The following TOP1MT variants were observed in gnomAD, a reference collection of about 807,000 sequenced individuals.
TOP1MT encodes the protein DNA topoisomerase I mitochondrial.
TOP1MT carries 80 observed loss-of-function variants against 73.9 expected under a neutral mutation model. The ratio of observed to expected loss-of-function variants is 1.08; its 90% CI spans 0.90 to 1.30. The LOEUF (loss-of-function observed/expected upper bound fraction) is 1.30. TOP1MT is among the 50% of genes most tolerant of loss of function. The pLI, the probability that TOP1MT is intolerant of heterozygous loss-of-function variation, is 0.00. For missense variants in TOP1MT, 815 were observed against 808.0 expected (o/e 1.01, Z -0.10); for synonymous variants, 338 against 326.4 (o/e 1.04, Z -0.38).
chr8:143,348,978 T>C (rs932131861), upstream of TOP1MT, among the ~76,000 whole-genome samples: 1 of 152,140 alleles, frequency 6.6e-6, no homozygotes, highest in Non-Finnish European at 1.5e-5. This position sits in a 1 kb window ranked among gnomAD's most constrained non-coding sequence, Gnocchi z 4.6. Context: ...GCATTGCTTA[T>C]TGCCTGCACA....
rs1178945126 is a variant in TOP1MT at position 143,329,243 on chromosome 8, G to A, written c.360+107C>T. 15 of 1,294,992 alleles carry A rather than the reference G, an allele frequency of 1.2e-5. No individual in the cohort carries two copies. The South Asian group carries it at 2.1e-4, about 18-fold the overall frequency. The allele number at this position is 1,294,992 out of a possible 1,614,324, so 80.2% of individuals were successfully genotyped here. On this transcript the variant is annotated intron_variant, in intron 3 of 13. Coordinates refer to ENST00000329245, the MANE Select transcript of TOP1MT (RefSeq NM_052963.3). ...GACGGCACCTGTGAGTGGTCACACA[G>A]GGGCCACCGAGAACTTGCGAGGGGC...
At chr8:143,322,883 CACGCACG>C (rs1816536351) in intron 7 of TOP1MT, among the ~76,000 whole-genome samples, 1 of 135,070 alleles carries the variant, frequency 7.4e-6, no homozygotes, top group African/African-American at 2.9e-5. Flanking sequence ...GCACGCAACA[CACGCACG>C]CCACACGCAC....
At chr8:143,320,758 C>T (rs1026535128) in intron 8 of TOP1MT, among the ~76,000 whole-genome samples, 3 of 152,176 alleles carry the variant, frequency 2.0e-5, no homozygotes, top group East Asian at 3.9e-4. Context: ...GCCAAGGACA[C>T]GCAGGATCCG....
At chr8:143,328,162 T>C (rs986875125) in intron 3 of TOP1MT, 1 of 432,664 alleles carries the variant, frequency 2.3e-6, no homozygotes, top group African/African-American at 2.1e-5. Flanking sequence ...TTTCTGATAA[T>C]GGACTTAAAA....
intron 2 of TOP1MT, among the ~76,000 whole-genome samples, chr8:143,342,344 TAGAG>T (rs1465115270): frequency 9.1e-5 from 13 of 143,534 alleles, no homozygotes; most frequent in South Asian, 6.5e-4. Flanking sequence ...TTATTATTAT[TAGAG>T]ACAGAGTCTC....
chr8:143,337,761 T>A (rs73717528), upstream of TOP1MT, among the ~76,000 whole-genome samples: 1,929 of 152,076 alleles, frequency 0.013, 45 homozygotes, highest in African/African-American at 0.043. Context: ...AAGTAGGAGT[T>A]AAAGAAAAGG....
chr8:143,319,059 C>T (rs552117718), intron 8 of TOP1MT, among the ~76,000 whole-genome samples: 9 of 152,324 alleles, frequency 5.9e-5, no homozygotes, highest in African/African-American at 1.9e-4. Context: ...TGCTTCACCA[C>T]GGCAGGGGCA....
At position 143,325,599 on chromosome 8, in the gene TOP1MT, T is replaced by C. The variant is rs1816686235; in HGVS notation, c.484-66A>G. ...GAAGAGAACAGGCCTCAGTCCGTTG[T>C]TGCTAACCCGGGACCACCCTGCTCT... On this transcript the variant is annotated intron_variant, in intron 4 of 13. Coordinates refer to ENST00000329245, the MANE Select transcript of TOP1MT (RefSeq NM_052963.3). 5 of 1,492,262 alleles carry C rather than the reference T, an allele frequency of 3.4e-6. No individual in the cohort carries two copies. The South Asian group carries it at 4.8e-5, about 14-fold the overall frequency. 92.4% of individuals were successfully genotyped at this position (1,492,262 alleles called of 1,614,324 possible).
chr8:143,318,911 A>G (rs1685828880), intron 8 of TOP1MT, among the ~76,000 whole-genome samples: 1 of 152,192 alleles, frequency 6.6e-6, no homozygotes, highest in Non-Finnish European at 1.5e-5. Flanking sequence ...GATCTTGACG[A>G]GGCTTTATGT....
upstream of TOP1MT, among the ~76,000 whole-genome samples, chr8:143,346,950 C>CTTAT (rs1554623153): frequency 2.0e-4 from 27 of 138,286 alleles, no homozygotes; most frequent in African/African-American, 6.4e-4. Flanking sequence ...AAAAGCCTCA[C>CTTAT]TTCTTTATTT....
intron 2 of TOP1MT, among the ~76,000 whole-genome samples, chr8:143,330,831 T>G (rs1401621553): frequency 1.3e-5 from 2 of 151,848 alleles, no homozygotes; most frequent in Admixed American, 6.6e-5. Context: ...CTCCGCTTCT[T>G]GCTGAGAATC....
At chr8:143,309,693 C>A (rs1815949306) in intron 13 of TOP1MT, 150 bp from the exon 14 acceptor site, 3 of 1,514,776 alleles carry the variant, frequency 2.0e-6, no homozygotes, top group Non-Finnish European at 2.6e-6. Flanking sequence ...AGGCCAACCC[C>A]ACCCCACGCA....
At chr8:143,322,263 ACACGCCACACACATG>A (rs1816452096) in intron 7 of TOP1MT, among the ~76,000 whole-genome samples, 2 of 11,652 alleles carry the variant, frequency 1.7e-4, no homozygotes, top group Non-Finnish European at 2.6e-4. Flanking sequence ...CGCCACACAC[ACACGCCACACACATG>A]CACGCCACAC....
chr8:143,333,546 T>C (rs571935823), intron 1 of TOP1MT, among the ~76,000 whole-genome samples: 1 of 152,314 alleles, frequency 6.6e-6, no homozygotes, highest in South Asian at 2.1e-4. Context: ...CCAGTCTCAT[T>C]TCACAGATGA....
At position 143,309,562 on chromosome 8, in the gene TOP1MT, G is replaced by C. The variant is rs748148781; in HGVS notation, c.1704-19C>G. ...CTTGCACCTGCGGGAGGCAGCATCA[G>C]CCCAGGCAAGCAGGCAACTCACCCA... On this transcript the variant is annotated intron_variant, in intron 13 of 13. Transcript: ENST00000329245. 1.2e-6 allele frequency: 2 copies of C among 1,612,456 alleles called. No individual in the cohort carries two copies. Among genetic ancestry groups the C allele is most frequent in the South Asian group, 2.2e-5 (2 of 91,074 alleles).
At chr8:143,321,585 C>CCACA (rs1816371084) in intron 7 of TOP1MT, among the ~76,000 whole-genome samples, 199 bp from the exon 8 acceptor site, 2 of 63,322 alleles carry the variant, frequency 3.2e-5, no homozygotes, top group Non-Finnish European at 6.1e-5. Context: ...CACAGGCACG[C>CCACA]CACACGCACG....
chr8:143,326,988 G>A (rs1367163497), intron 3 of TOP1MT, among the ~76,000 whole-genome samples: 1 of 152,162 alleles, frequency 6.6e-6, no homozygotes, highest in African/African-American at 2.4e-5. Flanking sequence ...GGGGACAGAA[G>A]GACAGAAGGG....
chr8:143,334,768 G>A lies in TOP1MT; in HGVS notation c.94C>T (p.Arg32Cys), dbSNP rs1254204230. 1 of 1,595,468 alleles carries A rather than the reference G, an allele frequency of 6.3e-7. No homozygotes were observed. Among genetic ancestry groups the A allele is most frequent in the South Asian group, 1.1e-5 (1 of 90,596 alleles). The change falls in exon 1 of 14, where the codon CGC becomes TGC. Residue 32 changes from arginine to cysteine, a missense_variant. Arg to Cys is a radical substitution (Grantham distance 180). Around this residue, in one of 3 missense-constraint regions of TOP1MT, gnomAD observed 60 missense variants for 65.9 expected, o/e 0.91. Transcript: ENST00000329245. Reference protein sequence around the residue: ...RPASRGVPGSRRTQKGSGARW... With the variant: ...RPASRGVPGSCRTQKGSGARW... The stretch of plus-strand genomic sequence containing the variant: ...GCTCCACTGCCCTTCTGCGTCCTGC[G>A]CGAGCCCGGGACACCCCGGGAGGCC...
intron 7 of TOP1MT, 68 bp from the exon 8 acceptor site, chr8:143,321,454 CACACGCACGCCA>C: frequency 2.5e-6 from 2 of 794,484 alleles, no homozygotes; most frequent in South Asian, 3.6e-5. Context: ...GCACGCCACA[CACACGCACGCCA>C]CACACGCACG....
Sources: gnomAD v4.1 joint callset for allele counts (sites outside exome capture counted in the v4.1 genomes callset) on GRCh38, gnomAD v4.1.1 for gene constraint, gnomAD v4.1.1 regional missense constraint, Gnocchi (gnomAD v3.1) non-coding constraint, MANE v1.5 for transcripts, NCBI Gene and HGNC (gene_info 2026-07-23, HGNC 2026-07-21) for gene names.